Variants in SASH1 observed in about 807,000 individuals in gnomAD.
SASH1 encodes SAM and SH3 domain-containing protein 1.
SASH1 carries 44 observed loss-of-function variants against 125.2 expected under a neutral mutation model. That is an observed-to-expected ratio of 0.35 (90% confidence interval 0.28 to 0.45). The LOEUF (loss-of-function observed/expected upper bound fraction) is 0.45. Among genes scored for constraint, SASH1 ranks in the 20% least tolerant of loss-of-function variants. The pLI, the probability that SASH1 is intolerant of heterozygous loss-of-function variation, is 1.00. For missense variants in SASH1, 1,426 were observed against 1,614.5 expected (o/e 0.88, Z 2.00); for synonymous variants, 639 against 649.1 (o/e 0.98, Z 0.24).
chr6:148,279,250 A>C lies in SASH1; in HGVS notation n.74+6873A>C, dbSNP rs6570832. On this transcript the variant is annotated intron_variant and non_coding_transcript_variant, in intron 1 of 3. Transcript: ENST00000367469. The stretch of plus-strand genomic sequence containing the variant: ...AAGCAATCCGCCTACCTCGGCCCCC[A>C]AAAGTGCTAGGATTACAGACATGAA... Among the ~76,000 whole-genome samples, 3 of 152,120 alleles carry C rather than the reference A, an allele frequency of 2.0e-5. No homozygotes were observed. In the East Asian group the frequency reaches 5.8e-4, roughly 29 times the overall value.
chr6:148,540,402 T>TAAA, intron 16 of SASH1, 41 bp from the exon 17 acceptor site: 1 of 1,519,984 alleles, frequency 6.6e-7, no homozygotes, highest in Non-Finnish European at 9.1e-7. Context: ...CCTCTGCTTT[T>TAAA]CACTCACCTT....
At chr6:148,446,546 G>A (rs988259841) in intron 4 of SASH1, among the ~76,000 whole-genome samples, 1 of 152,192 alleles carries the variant, frequency 6.6e-6, no homozygotes, top group African/African-American at 2.4e-5. Flanking sequence ...GACAAGCTGT[G>A]TGTCAAGATT....
At chr6:148,336,253 G>T (rs1002102658) in intron 1 of SASH1, among the ~76,000 whole-genome samples, 30 of 133,138 alleles carry the variant, frequency 2.3e-4, no homozygotes, top group African/African-American at 7.6e-4. Flanking sequence ...TCGGCTCACT[G>T]CGAGCTCTAC....
intron 4 of SASH1, among the ~76,000 whole-genome samples, chr6:148,464,227 T>G (rs1777739328): frequency 6.6e-6 from 1 of 152,242 alleles, no homozygotes; most frequent in Non-Finnish European, 1.5e-5. Flanking sequence ...TGTTGACACT[T>G]AAGCAGATAG....
At chr6:148,309,061 G>GT (rs1366589985) in intron 1 of SASH1, among the ~76,000 whole-genome samples, 51 of 133,264 alleles carry the variant, frequency 3.8e-4, no homozygotes, top group African/African-American at 1.5e-3. Context: ...TCCAATTTGG[G>GT]TGACAGAGCA....
chr6:148,440,857 A>C (rs988461832), intron 4 of SASH1, among the ~76,000 whole-genome samples: 1 of 152,174 alleles, frequency 6.6e-6, no homozygotes, highest in Admixed American at 6.5e-5. Flanking sequence ...AACAACAGTG[A>C]ATGTGTGTGT....
rs546999462 is a variant in SASH1, at chr6:148,529,281, G to A, written c.1428+1685G>A. Among the ~76,000 whole-genome samples the A allele has an allele frequency of 2.6e-5, 4 of 152,238 alleles. No individual in the cohort carries two copies. Among genetic ancestry groups the A allele is most frequent in the East Asian group, 1.9e-4 (1 of 5,184 alleles). On this transcript the variant is annotated intron_variant, in intron 12 of 19. Coordinates refer to ENST00000367467, the MANE Select transcript of SASH1 (RefSeq NM_015278.5). This position sits in a 1 kb window ranked among gnomAD's most constrained non-coding sequence, Gnocchi z 4.2. ...CCAAACATCTTAGCATGCACAGGACGGTCTGCACAGCAAAGAGCTGTCCAT... is the reference window on the plus strand; with the variant it reads ...CCAAACATCTTAGCATGCACAGGACAGTCTGCACAGCAAAGAGCTGTCCAT...
At chr6:148,353,851 T>C (rs115956885) in intron 1 of SASH1, among the ~76,000 whole-genome samples, 2,997 of 152,288 alleles carry the variant, frequency 0.02, 91 homozygotes, top group African/African-American at 0.068. Context: ...TTGAGAAATA[T>C]GTGTGTAAAA....
chr6:148,255,999 T>C, the SASH1 span, among the ~76,000 whole-genome samples: 2 of 152,198 alleles, frequency 1.3e-5, no homozygotes, highest in Non-Finnish European at 2.9e-5. Context: ...ATCTACAGAA[T>C]GGACATTTTT....
chr6:148,459,831 GTC>G (rs779398204), intron 4 of SASH1, among the ~76,000 whole-genome samples: 1 of 152,190 alleles, frequency 6.6e-6, no homozygotes, highest in Non-Finnish European at 1.5e-5. Context: ...GTAACATTTT[GTC>G]TCTGTTTTGC....
chr6:148,449,203 G>A (rs1164245358), intron 4 of SASH1, among the ~76,000 whole-genome samples: 1 of 149,682 alleles, frequency 6.7e-6, no homozygotes, highest in Non-Finnish European at 1.5e-5. Flanking sequence ...TCGAGTAGCT[G>A]GGACTACAGG....
chr6:148,208,438 G>C, the SASH1 span, among the ~76,000 whole-genome samples: 2 of 152,198 alleles, frequency 1.3e-5, no homozygotes, highest in African/African-American at 4.8e-5. Context: ...CCTCTGGATG[G>C]TGGACAGGAA....
intron 1 of SASH1, among the ~76,000 whole-genome samples, chr6:148,292,570 G>A (rs1183289359): frequency 6.6e-6 from 1 of 152,154 alleles, no homozygotes; most frequent in Admixed American, 6.5e-5. Context: ...TAGGAAGAGG[G>A]GTGTAAAGGG....
At chr6:148,338,426 C>CA (rs5880773), upstream of SASH1, among the ~76,000 whole-genome samples, 76,471 of 132,816 alleles carry the variant, frequency 0.58, 21,541 homozygotes, top group South Asian at 0.69. Context: ...GACTCCATCT[C>CA]AAAAAAAAAA....
chr6:148,503,240 A>G (rs1274371539), intron 8 of SASH1, among the ~76,000 whole-genome samples: 1 of 152,192 alleles, frequency 6.6e-6, no homozygotes, highest in Non-Finnish European at 1.5e-5. Flanking sequence ...TTTCAGAGCA[A>G]GTTGTTGATA....
chr6:148,267,651 T>G (rs548760825), upstream of SASH1, among the ~76,000 whole-genome samples: 1 of 152,236 alleles, frequency 6.6e-6, no homozygotes, highest in East Asian at 1.9e-4. Context: ...GTGCTGGGAT[T>G]ACAGACATGA....
rs371466035 is a variant in SASH1 at position 148,413,501 on chromosome 6, A to G, written c.285+23239A>G. ...AGGAGAATGTGCGGGAAAGATCAGG[A>G]GCTCATCTTACGATATGTATTTGAG... On this transcript the variant is annotated intron_variant, in intron 2 of 19. Transcript: ENST00000367467. Among the ~76,000 whole-genome samples the G allele has an allele frequency of 8.5e-5, 13 of 152,168 alleles. No individual in the cohort carries two copies. The East Asian group carries it at 1.3e-3, about 16-fold the overall frequency.
chr6:148,327,275 C>A, intron 1 of SASH1, among the ~76,000 whole-genome samples: 2 of 151,140 alleles, frequency 1.3e-5, no homozygotes, highest in Middle Eastern at 3.4e-3. Context: ...ATGACACATA[C>A]AATATAAATT....
intron 2 of SASH1, among the ~76,000 whole-genome samples, chr6:148,417,744 A>G (rs1784886661): frequency 6.6e-6 from 1 of 152,142 alleles, no homozygotes. Context: ...AACTGGAAAT[A>G]GGCAAAGTTC....
Sources: gnomAD v4.1 joint callset for allele counts (sites outside exome capture counted in the v4.1 genomes callset) on GRCh38, gnomAD v4.1.1 for gene constraint, Gnocchi (gnomAD v3.1) non-coding constraint, MANE v1.5 for transcripts, NCBI Gene and HGNC (gene_info 2026-07-23, HGNC 2026-07-21) for gene names.